Variants in CENPP observed in about 807,000 individuals in gnomAD.
The protein encoded by CENPP is centromere protein P.
Under a neutral mutation model 35.6 loss-of-function variants are expected in CENPP, and 24 were observed. That is an observed-to-expected ratio of 0.67 (90% CI 0.49 to 0.95). The LOEUF (loss-of-function observed/expected upper bound fraction) is 0.95, where lower values mean the gene tolerates loss of function less well. Ranked by LOEUF, CENPP falls within the 40% of genes least tolerant of loss-of-function variation. The pLI is 0.00. For missense variants in CENPP, 332 were observed against 345.3 expected (o/e 0.96, Z 0.31); for synonymous variants, 120 against 125.5 (o/e 0.96, Z 0.29).
chr9:92,568,592 T>C (rs1850056106), intron 5 of CENPP, among the ~76,000 whole-genome samples: 1 of 152,200 alleles, frequency 6.6e-6, no homozygotes, highest in African/African-American at 2.4e-5. Flanking sequence ...ATCCTTTGGG[T>C]ATATACACAG....
intron 5 of CENPP, among the ~76,000 whole-genome samples, chr9:92,436,971 G>A (rs1430163759): frequency 6.6e-6 from 1 of 152,088 alleles, no homozygotes; most frequent in African/African-American, 2.4e-5. Flanking sequence ...AGGCCAAGGC[G>A]GGCAGATCAC....
At chr9:92,493,839 T>A (rs1019248201) in intron 5 of CENPP, 9 of 290,766 alleles carry the variant, frequency 3.1e-5, no homozygotes, top group African/African-American at 2.0e-4. Flanking sequence ...GTCATTCTGA[T>A]TTTCATTTTT....
At position 92,611,355 on chromosome 9, in the gene CENPP, C is replaced by T. The variant is rs371226505; in HGVS notation, c.606C>T (p.Ser202=). The T allele has an allele frequency of 9.9e-6, 16 of 1,613,688 alleles. No homozygotes were observed. Among genetic ancestry groups the T allele is most frequent in the Non-Finnish European group, 1.1e-5 (13 of 1,180,004 alleles). ...PDAVYLSEGP[S]SCSMGIRSAS... ...CCGTGTACCTCTCGGAGGGGCCCTC[C>T]TCCTGCTCCATGGGGATCCGCAGCG... Residue 202 remains serine, a synonymous_variant, in exon 6 of 8, where the codon TCC becomes TCT. Transcript: ENST00000375587.
At chr9:92,380,125 T>C (rs375972727) in intron 5 of CENPP, among the ~76,000 whole-genome samples, 32 of 152,322 alleles carry the variant, frequency 2.1e-4, no homozygotes, top group African/African-American at 7.7e-4. Context: ...AAACATTCTT[T>C]CAAGAGTATT....
chr9:92,500,896 GGTACAAGTATTCCA>G (rs763121296), intron 5 of CENPP: 2 of 1,614,156 alleles, frequency 1.2e-6, no homozygotes, highest in Non-Finnish European at 1.7e-6. Flanking sequence ...TTAAATGACA[GGTACAAGTATTCCA>G]GGCCTGGTTC....
intron 5 of CENPP, among the ~76,000 whole-genome samples, chr9:92,507,107 C>T (rs1221155044): frequency 6.6e-6 from 1 of 152,102 alleles, no homozygotes; most frequent in African/African-American, 2.4e-5. Flanking sequence ...TGGACAACAA[C>T]GTCTGGCTCT....
At chr9:92,576,723 A>G (rs1294984279) in intron 5 of CENPP, among the ~76,000 whole-genome samples, 2 of 152,140 alleles carry the variant, frequency 1.3e-5, no homozygotes, top group African/African-American at 4.8e-5. Flanking sequence ...CTTAAATATG[A>G]TTTAAATCAT....
chr9:92,487,800 A>C (rs1168912116), intron 5 of CENPP, among the ~76,000 whole-genome samples: 1 of 152,176 alleles, frequency 6.6e-6, no homozygotes, highest in African/African-American at 2.4e-5. Flanking sequence ...ACACCACTGC[A>C]CTCCAGCCTG....
At chr9:92,505,722 A>G (rs1484706075) in intron 5 of CENPP, 1 of 1,504,258 alleles carries the variant, frequency 6.6e-7, no homozygotes, top group Non-Finnish European at 8.9e-7. Flanking sequence ...GAATATTAGG[A>G]TAATTGAAAA....
chr9:92,509,849 A>G (rs779818603), intron 5 of CENPP: 2 of 1,555,786 alleles, frequency 1.3e-6, no homozygotes, highest in South Asian at 2.4e-5. Context: ...ACAGGACTAT[A>G]TAGGAAAGAT....
chr9:92,525,893 CAA>C (rs71362395), intron 5 of CENPP, among the ~76,000 whole-genome samples: 14 of 43,902 alleles, frequency 3.2e-4, no homozygotes, highest in Non-Finnish European at 2.9e-4. Context: ...ACTCTATCTC[CAA>C]AAAAAAAAAA....
chr9:92,485,790 C>G (rs1846041838), intron 5 of CENPP, among the ~76,000 whole-genome samples: 1 of 152,322 alleles, frequency 6.6e-6, no homozygotes, highest in South Asian at 2.1e-4. Context: ...CTCGGCCCCC[C>G]AAAGTGCTGA....
chr9:92,514,274 C>CTTTTTTT (rs1044226766), intron 5 of CENPP, among the ~76,000 whole-genome samples: 1 of 130,746 alleles, frequency 7.6e-6, no homozygotes. Context: ...GAGTCATTTA[C>CTTTTTTT]TTTTTTTTTT....
At chr9:92,343,333 C>T (rs1168703429) in intron 3 of CENPP, among the ~76,000 whole-genome samples, 1 of 152,132 alleles carries the variant, frequency 6.6e-6, no homozygotes, top group Non-Finnish European at 1.5e-5. Context: ...GCCAGATTTA[C>T]TTTCTGGTGT....
chr9:92,607,947 A>G (rs1205552132), intron 5 of CENPP, among the ~76,000 whole-genome samples: 7 of 152,186 alleles, frequency 4.6e-5, no homozygotes, highest in South Asian at 4.1e-4. Context: ...CTCCCCACAT[A>G]TGGCAACCAG....
In CENPP at chr9:92,593,580, G is replaced by T. The variant is rs1850711615; in HGVS notation, c.565-17734G>T. ...TACAGAAATGAATAAATGAAAGAGT[G>T]GTGTTTGCTACTCTTCTGTTATCTG... On this transcript the variant is annotated intron_variant, in intron 5 of 7. Transcript: ENST00000375587. The surrounding 1 kb of genome is among the most constrained non-coding windows in gnomAD (Gnocchi z 4.1). 1.3e-5 allele frequency among the ~76,000 whole-genome samples: 2 copies of T among 152,154 alleles called. No individual in the cohort carries two copies. Among genetic ancestry groups the T allele is most frequent in the Admixed American group, 1.3e-4 (2 of 15,274 alleles).
intron 5 of CENPP, among the ~76,000 whole-genome samples, chr9:92,406,488 T>C (rs1325366805): frequency 6.6e-6 from 1 of 152,178 alleles, no homozygotes; most frequent in East Asian, 1.9e-4. Flanking sequence ...TCTATTGTAG[T>C]GGTTATCTAT....
At chr9:92,404,437 A>ATGAGTCAG in intron 5 of CENPP, 1 of 1,083,910 alleles carries the variant, frequency 9.2e-7, no homozygotes, top group African/African-American at 1.7e-5. Context: ...AGACTATTAG[A>ATGAGTCAG]TGAGTCAGTC....
chr9:92,578,133 C>A (rs1229035819), intron 5 of CENPP, among the ~76,000 whole-genome samples: 1 of 152,096 alleles, frequency 6.6e-6, no homozygotes, highest in East Asian at 1.9e-4. Flanking sequence ...ATGAACTCGT[C>A]ATTTTTTATG....
Sources: allele counts gnomAD v4.1 joint callset (sites outside exome capture counted in the v4.1 genomes callset), GRCh38; gene constraint gnomAD v4.1.1; non-coding constraint Gnocchi (gnomAD v3.1); transcripts MANE v1.5; gene names NCBI Gene and HGNC (gene_info 2026-07-23, HGNC 2026-07-21).